SMARCB1: variants seen among roughly 807,000 people sequenced by gnomAD.
The protein encoded by SMARCB1 is SWI/SNF-related matrix-associated actin-dependent regulator of chromatin subfamily B member 1.
In SMARCB1, 5 loss-of-function variants were observed where a neutral mutation model predicts 49.0. The observed-to-expected ratio is 0.10, with a 90% CI of 0.05 to 0.21. SMARCB1 has a LOEUF of 0.21. Ranked by LOEUF, SMARCB1 falls within the 10% of genes least tolerant of loss-of-function variation. SMARCB1 has a pLI of 1.00. For synonymous variants in SMARCB1, 201 were observed against 200.1 expected (o/e 1.00, Z -0.04); for missense variants, 226 against 509.2 (o/e 0.44, Z 5.35).
At chr22:23,793,250 C>T (rs1386870628) in intron 2 of SMARCB1, 5 of 440,800 alleles carry the variant, frequency 1.1e-5, no homozygotes, top group Admixed American at 6.9e-5. Context: ...AGTCGAGTGT[C>T]CCCGCTGGTC....
chr22:23,804,894 G>C (rs758484914), intron 5 of SMARCB1, among the ~76,000 whole-genome samples: 1 of 152,162 alleles, frequency 6.6e-6, no homozygotes, highest in Non-Finnish European at 1.5e-5. Context: ...CTGGGTCAAG[G>C]CGCCTTTGTT....
At chr22:23,812,749 G>GA (rs2146000612) in intron 5 of SMARCB1, among the ~76,000 whole-genome samples, 1 of 151,848 alleles carries the variant, frequency 6.6e-6, no homozygotes, top group South Asian at 2.1e-4. Context: ...AGTTGATACA[G>GA]AAAAAGCATT....
chr22:23,819,651 C>T (rs1244109408), intron 6 of SMARCB1, among the ~76,000 whole-genome samples: 1 of 151,862 alleles, frequency 6.6e-6, no homozygotes, highest in African/African-American at 2.4e-5. Flanking sequence ...CCCCTGCTTT[C>T]ATTTCTTTTG....
chr22:23,823,692 GA>G (rs965702684), intron 6 of SMARCB1: 11 of 152,384 alleles, frequency 7.2e-5, no homozygotes, highest in Admixed American at 5.9e-4. Context: ...AGCTACTCAG[GA>G]GACTCTCGGG....
In SMARCB1 at chr22:23,834,299, G is replaced by A. The variant is rs1269903693; in HGVS notation, c.*119G>A. 1 of 1,099,306 alleles carries A rather than the reference G, an allele frequency of 9.1e-7. No individual in the cohort carries two copies. 68.1% of individuals were successfully genotyped at this position (1,099,306 alleles called of 1,614,324 possible). A position where few individuals can be genotyped will look rare whatever the true frequency, so the allele number is the denominator to read the frequency against. ...CCAGCGCCATCCTGAGGATCGGGTG[G>A]GGGTGGAGTGGGGGCTTCCAGGTGG... On this transcript the variant is annotated 3_prime_UTR_variant, in exon 9 of 9. Coordinates refer to ENST00000644036, the MANE Select transcript of SMARCB1 (RefSeq NM_003073.5).
intron 5 of SMARCB1, among the ~76,000 whole-genome samples, chr22:23,811,007 A>C (rs1364657045): frequency 6.7e-6 from 1 of 150,182 alleles, no homozygotes; most frequent in Non-Finnish European, 1.5e-5. Flanking sequence ...ATTGCACTCC[A>C]GCCTGGGCGA....
intron 5 of SMARCB1, among the ~76,000 whole-genome samples, chr22:23,809,964 T>C (rs1929763184): frequency 6.7e-6 from 1 of 150,060 alleles, no homozygotes; most frequent in African/African-American, 2.4e-5. Flanking sequence ...AGGTCAGGAA[T>C]TGGAGGCCAG....
chr22:23,800,896 G>A, intron 3 of SMARCB1, 48 bp from the exon 4 acceptor site: 1 of 1,400,422 alleles, frequency 7.1e-7, no homozygotes, highest in Non-Finnish European at 1.0e-6. Flanking sequence ...TGGTGGGCAG[G>A]ATCAGGCTCC....
At chr22:23,806,664 G>C (rs1338928707) in intron 5 of SMARCB1, among the ~76,000 whole-genome samples, 1 of 152,168 alleles carries the variant, frequency 6.6e-6, no homozygotes, top group Non-Finnish European at 1.5e-5. Flanking sequence ...GCTCACGCCT[G>C]TAATCCCAGC....
Position 23,837,567 on chromosome 22 carries a change from A to T in SMARCB1, c.*3387A>T. On this transcript the variant is annotated 3_prime_UTR_variant, in exon 9 of 9. Transcript: ENST00000644036. ...TGGAGCCAGGTGTGAGGAGAACTCCAGCAAGGATGGGAGAGGGGCCCCAGG... is the reference window on the plus strand; with the variant it reads ...TGGAGCCAGGTGTGAGGAGAACTCCTGCAAGGATGGGAGAGGGGCCCCAGG... 1 of 1,342,502 alleles carries T rather than the reference A, an allele frequency of 7.4e-7. No homozygotes were observed. The highest frequency in any genetic ancestry group is 1.0e-6 in the Non-Finnish European group (1 of 976,304). The allele number at this position is 1,342,502 out of a possible 1,614,324, so 83.2% of individuals were successfully genotyped here. A position where few individuals can be genotyped will look rare whatever the true frequency, so the allele number is the denominator to read the frequency against.
At chr22:23,833,379 T>C (rs1318985118) in intron 7 of SMARCB1, among the ~76,000 whole-genome samples, 193 bp from the exon 8 acceptor site, 1 of 152,204 alleles carries the variant, frequency 6.6e-6, no homozygotes, top group Admixed American at 6.5e-5. Flanking sequence ...CATGGGGTCA[T>C]GGCGACAACA....
At position 23,837,513 on chromosome 22, in the gene SMARCB1, C is replaced by T; in HGVS notation, c.*3333C>T. 1 of 871,818 alleles carries T rather than the reference C, an allele frequency of 1.1e-6. No homozygotes were observed. Among genetic ancestry groups the T allele is most frequent in the Non-Finnish European group, 1.7e-6 (1 of 574,178 alleles). The allele number at this position is 871,818 out of a possible 1,614,324, so 54.0% of individuals were successfully genotyped here. A position where few individuals can be genotyped will look rare whatever the true frequency, so the allele number is the denominator to read the frequency against. On this transcript the variant is annotated 3_prime_UTR_variant, in exon 9 of 9. Transcript: ENST00000644036. ...GCTGGCTTGAGGGGCTGTAAGAGCACAGCAGCTGGGAGGGCAGGAAGATGG... is the reference window on the plus strand; with the variant it reads ...GCTGGCTTGAGGGGCTGTAAGAGCATAGCAGCTGGGAGGGCAGGAAGATGG...
chr22:23,803,286 C>T lies in SMARCB1; in HGVS notation c.501-9C>T, dbSNP rs2145982632. The T allele has an allele frequency of 6.2e-7, 1 of 1,614,150 alleles. No homozygotes were observed. Among genetic ancestry groups the T allele is most frequent in the Non-Finnish European group, 8.5e-7 (1 of 1,180,038 alleles). On this transcript the variant is annotated splice_polypyrimidine_tract_variant and intron_variant, in intron 4 of 8. Coordinates refer to ENST00000644036, the MANE Select transcript of SMARCB1 (RefSeq NM_003073.5). ...CCCTCGCTGACTGTTGCTTCCATTT[C>T]ACTTTCAGCTTTGATGACCATGACC...
Position 23,834,227 on chromosome 22 carries a change from G to T in SMARCB1, c.*47G>T, listed in dbSNP as rs1357945586. ...CCCACGGAGCATCTCAGAAGATTGG[G>T]CCGCCTCTCCTCCATCTTCTGGCAA... is the stretch of plus-strand genomic sequence containing the variant. On this transcript the variant is annotated 3_prime_UTR_variant, in exon 9 of 9. Coordinates refer to ENST00000644036, the MANE Select transcript of SMARCB1 (RefSeq NM_003073.5). The T allele has an allele frequency of 1.9e-6, 3 of 1,546,178 alleles. No homozygotes were observed. The East Asian group carries it at 7.3e-5, about 37-fold the overall frequency.
chr22:23,832,531 G>C (rs2030708550), intron 7 of SMARCB1, among the ~76,000 whole-genome samples: 1 of 152,196 alleles, frequency 6.6e-6, no homozygotes, highest in African/African-American at 2.4e-5. Flanking sequence ...GAGGAGAAAG[G>C]AAAGGACCAC....
chr22:23,815,534 A>AAAAC (rs113614330), intron 5 of SMARCB1: 123,420 of 152,000 alleles, frequency 0.81, 50,295 homozygotes, highest in African/African-American at 0.86. Flanking sequence ...ACTCCGTCTC[A>AAAAC]AAACAAACAA....
chr22:23,828,296 C>G (rs1258896303), intron 7 of SMARCB1, among the ~76,000 whole-genome samples: 2 of 151,748 alleles, frequency 1.3e-5, no homozygotes, highest in Non-Finnish European at 2.9e-5. Flanking sequence ...TGTGATCCAC[C>G]CATCTCGGCC....
Position 23,835,609 on chromosome 22 carries a change from T to A in SMARCB1, c.*1429T>A, listed in dbSNP as rs75193028. On this transcript the variant is annotated 3_prime_UTR_variant, in exon 9 of 9. Transcript: ENST00000644036. ...AAGAGTGGAACTCCCCAGAGCCCCA[T>A]GCACAGCAAGGGGACAGCTGGGCCT... The A allele has an allele frequency of 0.014, 14,168 of 985,460 alleles. 1,557 individuals carry two copies. In the African/African-American group the frequency reaches 0.23, roughly 16 times the overall value. 61.0% of individuals were successfully genotyped at this position (985,460 alleles called of 1,614,324 possible).
chr22:23,807,914 T>C (rs1287588971), intron 5 of SMARCB1, among the ~76,000 whole-genome samples: 73 of 120,066 alleles, frequency 6.1e-4, no homozygotes, highest in South Asian at 2.1e-3. Flanking sequence ...CCTGCCTCAG[T>C]CTCCCGAGTA....
Sources: gnomAD v4.1 joint callset for allele counts (sites outside exome capture counted in the v4.1 genomes callset) on GRCh38, gnomAD v4.1.1 for gene constraint, MANE v1.5 for transcripts, NCBI Gene and HGNC (gene_info 2026-07-23, HGNC 2026-07-21) for gene names.